The following PINX1 variants were observed in gnomAD, a reference collection of about 807,000 sequenced individuals.
The protein encoded by PINX1 is PIN2/TERF1-interacting telomerase inhibitor 1.
In PINX1, 34 loss-of-function variants were observed where a neutral mutation model predicts 25.4. That is an observed-to-expected ratio of 1.34 (90% CI 1.02 to 1.78). PINX1 has a LOEUF of 1.78. Among genes scored for constraint, PINX1 ranks in the 40% most tolerant of loss-of-function variants. The probability of loss-of-function intolerance (pLI) is 0.00; values close to 1 mark genes in which losing one functional copy is unlikely to be tolerated. For synonymous variants in PINX1, 197 were observed against 147.7 expected (o/e 1.33, Z -2.42); for missense variants, 592 against 404.9 (o/e 1.46, Z -3.97).
In PINX1 at chr8:10,786,149, A is replaced by G. The variant is rs191447258; in HGVS notation, c.472-20233T>C. Among the ~76,000 whole-genome samples, 10 of 152,342 alleles carry G rather than the reference A, an allele frequency of 6.6e-5. No individual in the cohort carries two copies. In the South Asian group the frequency reaches 1.0e-3, roughly 16 times the overall value. On this transcript the variant is annotated intron_variant, in intron 6 of 6. Transcript: ENST00000314787. ...CGATTCAAAATGCCTTGTTATCTTA[A>G]AAAATTATTCTTAATCATTTGTTCA... is the stretch of plus-strand genomic sequence containing the variant.
intron 6 of PINX1, among the ~76,000 whole-genome samples, chr8:10,793,600 A>C (rs1039169544): frequency 7.2e-5 from 11 of 152,196 alleles, no homozygotes; most frequent in Non-Finnish European, 1.5e-4. Context: ...TTCTACCAAA[A>C]AGCTTCTAAG....
intron 6 of PINX1, among the ~76,000 whole-genome samples, chr8:10,771,672 C>A (rs1801227225): frequency 6.6e-6 from 1 of 152,230 alleles, no homozygotes; most frequent in Admixed American, 6.5e-5. Flanking sequence ...CCCACCACCA[C>A]CCACTGGCCC....
At chr8:10,823,722 G>C (rs1208540876) in intron 5 of PINX1, among the ~76,000 whole-genome samples, 1 of 152,130 alleles carries the variant, frequency 6.6e-6, no homozygotes, top group Admixed American at 6.5e-5. Context: ...CAGCACGCTG[G>C]GAGGCTAAGG....
At chr8:10,782,466 T>A (rs1219523289) in intron 6 of PINX1, among the ~76,000 whole-genome samples, 1 of 152,110 alleles carries the variant, frequency 6.6e-6, no homozygotes, top group Non-Finnish European at 1.5e-5. Flanking sequence ...CCAGGCGCAG[T>A]GGCTCACGCC....
chr8:10,809,584 C>T (rs1041747999), intron 6 of PINX1, among the ~76,000 whole-genome samples: 8 of 152,320 alleles, frequency 5.3e-5, no homozygotes, highest in African/African-American at 1.9e-4. Context: ...TATCCCACTG[C>T]ACTGTGGGTT....
rs1015479596 is a variant in PINX1 at position 10,807,083 on chromosome 8, CA to C, written c.471+13109del. On this transcript the variant is annotated intron_variant, in intron 6 of 6. Transcript: ENST00000314787. ...ATCCTCCCTCATGAAGGGAGCAAACCAAAACCAAAAGAAAAGAGGAACTCAG... is the reference window on the plus strand; with the variant it reads ...ATCCTCCCTCATGAAGGGAGCAAACCAAACCAAAAGAAAAGAGGAACTCAG... Among the ~76,000 whole-genome samples, 132 of 152,106 alleles carry C rather than the reference CA, an allele frequency of 8.7e-4. 3 individuals are homozygous for C. Among genetic ancestry groups the C allele is most frequent in the East Asian group, 5.8e-4 (3 of 5,172 alleles).
intron 3 of PINX1, 34 bp from the exon 4 acceptor site, chr8:10,831,777 C>T: frequency 7.7e-7 from 1 of 1,300,964 alleles, no homozygotes; most frequent in Non-Finnish European, 1.1e-6. Flanking sequence ...GAGAGGTAAG[C>T]CTGTAGTTTA....
At chr8:10,827,515 A>T (rs1158221845) in intron 4 of PINX1, among the ~76,000 whole-genome samples, 1 of 152,074 alleles carries the variant, frequency 6.6e-6, no homozygotes, top group Non-Finnish European at 1.5e-5. Flanking sequence ...CTGCTTGTCA[A>T]GTTCAGACAG....
At chr8:10,807,925 G>A (rs1447437834) in intron 6 of PINX1, among the ~76,000 whole-genome samples, 1 of 152,132 alleles carries the variant, frequency 6.6e-6, no homozygotes, top group Non-Finnish European at 1.5e-5. Flanking sequence ...GGTCTCCTGG[G>A]AGACAGATCC....
intron 6 of PINX1, among the ~76,000 whole-genome samples, chr8:10,776,561 C>G (rs1302526143): frequency 1.3e-5 from 2 of 152,132 alleles, no homozygotes; most frequent in Admixed American, 1.3e-4. Flanking sequence ...CAGAATTGTA[C>G]AGCCAACCAA....
chr8:10,788,593 G>C (rs1389560077), intron 6 of PINX1, among the ~76,000 whole-genome samples: 1 of 151,968 alleles, frequency 6.6e-6, no homozygotes, highest in Non-Finnish European at 1.5e-5. Flanking sequence ...AAAAGTGAAT[G>C]TATATCTATT....
chr8:10,791,026 C>T (rs979019594), intron 6 of PINX1, among the ~76,000 whole-genome samples: 3 of 152,196 alleles, frequency 2.0e-5, no homozygotes, highest in African/African-American at 7.2e-5. Context: ...GATTCTCCTG[C>T]CTCAGCCTCC....
intron 5 of PINX1, among the ~76,000 whole-genome samples, chr8:10,820,579 C>A (rs1544981): frequency 0.21 from 31,563 of 152,162 alleles, 3,396 homozygotes; most frequent in Middle Eastern, 0.3. Context: ...CCGCTATGCC[C>A]TCAAGATGCA....
At chr8:10,822,827 G>A (rs530309336) in intron 5 of PINX1, among the ~76,000 whole-genome samples, 13 of 152,320 alleles carry the variant, frequency 8.5e-5, no homozygotes, top group African/African-American at 3.1e-4. Context: ...GAGTAAAGAA[G>A]TGAAGGGCAA....
chr8:10,817,683 C>G (rs1797742566), intron 6 of PINX1, among the ~76,000 whole-genome samples: 1 of 152,178 alleles, frequency 6.6e-6, no homozygotes, highest in South Asian at 2.1e-4. Flanking sequence ...AGCAGTATCA[C>G]CTGGGGGCTC....
intron 6 of PINX1, among the ~76,000 whole-genome samples, chr8:10,813,216 C>T (rs895538873): frequency 6.6e-6 from 1 of 152,096 alleles, no homozygotes; most frequent in African/African-American, 2.4e-5. Flanking sequence ...CTTTGGTGTC[C>T]AGATGTGGAG....
At chr8:10,773,674 A>G (rs754489505) in intron 6 of PINX1, among the ~76,000 whole-genome samples, 1 of 152,178 alleles carries the variant, frequency 6.6e-6, no homozygotes, top group African/African-American at 2.4e-5. Context: ...TTTTTCCCAT[A>G]TGCCTAACCA....
chr8:10,773,716 C>T (rs17774331), intron 6 of PINX1, among the ~76,000 whole-genome samples: 24,286 of 152,098 alleles, frequency 0.16, 2,463 homozygotes, highest in Non-Finnish European at 0.23. Context: ...TAGGAAAAGC[C>T]GACATAAACA....
intron 6 of PINX1, among the ~76,000 whole-genome samples, chr8:10,792,620 C>A (rs1006928708): frequency 6.6e-6 from 1 of 152,100 alleles, no homozygotes; most frequent in Non-Finnish European, 1.5e-5. Context: ...GAATGGAATT[C>A]ATGAAAGGCT....
Sources: allele counts gnomAD v4.1 joint callset (sites outside exome capture counted in the v4.1 genomes callset), GRCh38; gene constraint gnomAD v4.1.1; transcripts MANE v1.5; gene names NCBI Gene and HGNC (gene_info 2026-07-23, HGNC 2026-07-21).